The following KCNH1 variants were observed in gnomAD, a reference collection of about 807,000 sequenced individuals.
KCNH1 encodes voltage-gated delayed rectifier potassium channel KCNH1.
Under a neutral mutation model 69.2 loss-of-function variants are expected in KCNH1, and 27 were observed. The ratio of observed to expected loss-of-function variants is 0.39; its 90% CI spans 0.29 to 0.54. The LOEUF (loss-of-function observed/expected upper bound fraction) is 0.54, where lower values mean the gene tolerates loss of function less well. Among genes scored for constraint, KCNH1 ranks in the 20% least tolerant of loss-of-function variants. The probability of loss-of-function intolerance (pLI) is 0.68; values close to 1 mark genes in which losing one functional copy is unlikely to be tolerated. For synonymous variants in KCNH1, 456 were observed against 487.7 expected (o/e 0.93, Z 0.86); for missense variants, 798 against 1,261.6 (o/e 0.63, Z 5.57).
At chr1:210,977,993 A>T (rs1308689433) in intron 6 of KCNH1, among the ~76,000 whole-genome samples, 1 of 150,756 alleles carries the variant, frequency 6.6e-6, no homozygotes, top group Non-Finnish European at 1.5e-5. Flanking sequence ...TTGTTTTATA[A>T]TTTCTAGCTC....
At chr1:210,888,257 C>T (rs558668652) in intron 7 of KCNH1, among the ~76,000 whole-genome samples, 1 of 152,250 alleles carries the variant, frequency 6.6e-6, no homozygotes, top group African/African-American at 2.4e-5. Flanking sequence ...AAGAAACTCA[C>T]TCAAAACCAC....
At chr1:210,854,217 C>A (rs957552986) in intron 7 of KCNH1, among the ~76,000 whole-genome samples, 2 of 152,212 alleles carry the variant, frequency 1.3e-5, no homozygotes, top group Non-Finnish European at 2.9e-5. Context: ...TTCCTCCTCC[C>A]AATCTCAATA....
chr1:210,821,547 T>A (rs1162320988), intron 7 of KCNH1, among the ~76,000 whole-genome samples: 1 of 152,036 alleles, frequency 6.6e-6, no homozygotes, highest in Non-Finnish European at 1.5e-5. Context: ...TGGTGGTCCA[T>A]GCAGCAACAT....
intron 6 of KCNH1, among the ~76,000 whole-genome samples, chr1:210,933,953 A>G (rs1253278183): frequency 6.6e-6 from 1 of 152,232 alleles, no homozygotes; most frequent in Non-Finnish European, 1.5e-5. Flanking sequence ...TATCTTCAAT[A>G]AATGATGTTG....
intron 7 of KCNH1, among the ~76,000 whole-genome samples, chr1:210,847,623 T>G (rs1460371849): frequency 6.6e-6 from 1 of 151,774 alleles, no homozygotes; most frequent in Non-Finnish European, 1.5e-5. Context: ...GAGATATACC[T>G]AATGCTAAAT....
intron 8 of KCNH1, among the ~76,000 whole-genome samples, chr1:210,800,900 A>T (rs145136300): frequency 8.0e-4 from 122 of 152,360 alleles, no homozygotes; most frequent in African/African-American, 2.7e-3. Flanking sequence ...TCCCAGTGTC[A>T]GCACTCACTA....
chr1:210,701,555 C>G (rs1681781494), intron 10 of KCNH1, among the ~76,000 whole-genome samples: 1 of 152,186 alleles, frequency 6.6e-6, no homozygotes, highest in Admixed American at 6.5e-5. Flanking sequence ...TATTTATTAG[C>G]AATGCTTGGA....
At chr1:210,774,274 G>T (rs954027427) in intron 10 of KCNH1, among the ~76,000 whole-genome samples, 1 of 152,176 alleles carries the variant, frequency 6.6e-6, no homozygotes, top group African/African-American at 2.4e-5. Context: ...GGTGAGTTTG[G>T]AGCCCATTGC....
chr1:211,017,166 T>G (rs1689507310), intron 6 of KCNH1, among the ~76,000 whole-genome samples: 1 of 152,110 alleles, frequency 6.6e-6, no homozygotes, highest in Non-Finnish European at 1.5e-5. Flanking sequence ...AGCTCTACAT[T>G]GGCAGCATTT....
chr1:210,863,176 T>C (rs990903988), intron 7 of KCNH1, among the ~76,000 whole-genome samples: 1 of 152,186 alleles, frequency 6.6e-6, no homozygotes, highest in Non-Finnish European at 1.5e-5. Flanking sequence ...GCAGAAAGGC[T>C]TGGTCTGCTT....
At chr1:211,033,782 G>T (rs1420859961) in intron 5 of KCNH1, among the ~76,000 whole-genome samples, 2 of 151,938 alleles carry the variant, frequency 1.3e-5, no homozygotes, top group Non-Finnish European at 2.9e-5. Context: ...GGGGAGTGGG[G>T]AGGGATAGCA....
chr1:210,772,274 CCCCAGATAGATGTCAAAGGCA>C (rs1209350811), intron 10 of KCNH1, among the ~76,000 whole-genome samples: 2 of 152,110 alleles, frequency 1.3e-5, no homozygotes, highest in African/African-American at 4.8e-5. Context: ...TCAAGAAACT[CCCCAGATAGATGTCAAAGGCA>C]CTGTGTTGTC....
intron 7 of KCNH1, among the ~76,000 whole-genome samples, chr1:210,822,458 A>G (rs1684948818): frequency 6.6e-6 from 1 of 152,096 alleles, no homozygotes; most frequent in South Asian, 2.1e-4. Flanking sequence ...TTTGCTAAAG[A>G]ATTTATACCG....
chr1:211,096,541 T>C (rs1404805651), intron 3 of KCNH1, among the ~76,000 whole-genome samples: 1 of 152,166 alleles, frequency 6.6e-6, no homozygotes, highest in Non-Finnish European at 1.5e-5. Flanking sequence ...CAGTCTCAAA[T>C]ATAACAAGGG....
chr1:210,885,151 C>T (rs564269567), intron 7 of KCNH1, among the ~76,000 whole-genome samples: 26 of 152,336 alleles, frequency 1.7e-4, no homozygotes, highest in African/African-American at 5.0e-4. Flanking sequence ...GGAACAACTC[C>T]GGTCTGCAGC....
intron 6 of KCNH1, among the ~76,000 whole-genome samples, chr1:210,993,036 A>G (rs1688963203): frequency 1.3e-5 from 2 of 152,122 alleles, no homozygotes; most frequent in African/African-American, 4.8e-5. Flanking sequence ...GCCCCCACCC[A>G]CATCGCTGTG....
chr1:210,886,189 G>A (rs868778408), intron 7 of KCNH1, among the ~76,000 whole-genome samples: 96 of 152,330 alleles, frequency 6.3e-4, no homozygotes, highest in Admixed American at 3.3e-4. Context: ...AAAGCTTTCA[G>A]AGGAAGGAAC....
chr1:211,056,259 T>C (rs115457365), intron 5 of KCNH1, among the ~76,000 whole-genome samples: 1,825 of 152,254 alleles, frequency 0.012, 41 homozygotes, highest in African/African-American at 0.042. Context: ...ACATCGGCAG[T>C]AGCCAGGCAG....
At chr1:210,726,415 C>T (rs970602701) in intron 10 of KCNH1, among the ~76,000 whole-genome samples, 1 of 152,198 alleles carries the variant, frequency 6.6e-6, no homozygotes. Context: ...ACAGAAGGAA[C>T]CCTGCCAGGT....
Sources: gnomAD v4.1 joint callset for allele counts (sites outside exome capture counted in the v4.1 genomes callset) on GRCh38, gnomAD v4.1.1 for gene constraint, MANE v1.5 for transcripts, NCBI Gene and HGNC (gene_info 2026-07-23, HGNC 2026-07-21) for gene names.